FSTL5: variants seen among roughly 807,000 people sequenced by gnomAD.
The protein encoded by FSTL5 is follistatin like 5, also known as follistatin-related protein 5.
FSTL5 carries 62 observed loss-of-function variants against 89.1 expected under a neutral mutation model. That is an observed-to-expected ratio of 0.70 (90% CI 0.57 to 0.86). The LOEUF (loss-of-function observed/expected upper bound fraction) is 0.86. Ranked by LOEUF, FSTL5 falls within the 40% of genes least tolerant of loss-of-function variation. The pLI is 0.00. For synonymous variants in FSTL5, 383 were observed against 346.2 expected, an observed-to-expected ratio of 1.11 and a Z score of -1.18; for missense variants, 1,057 against 1,001.6, an observed-to-expected ratio of 1.06 and a Z score of -0.75.
chr4:161,396,362 C>A (rs1299457731), intron 15 of FSTL5, among the ~76,000 whole-genome samples: 1 of 151,868 alleles, frequency 6.6e-6, no homozygotes, highest in African/African-American at 2.4e-5. Flanking sequence ...TAAGACACAG[C>A]TGGGTACAGT....
At chr4:162,095,571 G>A (rs1492449) in intron 2 of FSTL5, among the ~76,000 whole-genome samples, 115,983 of 151,874 alleles carry the variant, frequency 0.76, 45,121 homozygotes, top group Non-Finnish European at 0.84. Context: ...CTTGAGGAAC[G>A]GTTTTTCAAA....
At chr4:161,557,128 C>G (rs2126565454) in intron 8 of FSTL5, among the ~76,000 whole-genome samples, 1 of 151,254 alleles carries the variant, frequency 6.6e-6, no homozygotes, top group Non-Finnish European at 1.5e-5. Flanking sequence ...AGCAATAGTA[C>G]CCTTGTTTGA....
chr4:161,753,102 C>A (rs1740456062), intron 6 of FSTL5, among the ~76,000 whole-genome samples: 1 of 152,180 alleles, frequency 6.6e-6, no homozygotes, highest in Admixed American at 6.5e-5. Flanking sequence ...TTCTTTCTCT[C>A]TTTACTTGCT....
intron 1 of FSTL5, among the ~76,000 whole-genome samples, chr4:162,113,377 G>A (rs1040883198): frequency 6.6e-6 from 1 of 151,894 alleles, no homozygotes; most frequent in Non-Finnish European, 1.5e-5. Flanking sequence ...CCAAATTGAC[G>A]GTCCCCACTC....
rs536851708 is a variant in FSTL5 at position 161,835,323 on chromosome 4, A to C, written c.410-59249T>G. Among the ~76,000 whole-genome samples the C allele has an allele frequency of 4.4e-3, 669 of 152,294 alleles. 5 individuals are homozygous for C. The highest frequency in any genetic ancestry group is 6.3e-3 in the Non-Finnish European group (427 of 68,030). On this transcript the variant is annotated intron_variant, in intron 4 of 15. Coordinates refer to ENST00000306100, the MANE Select transcript of FSTL5 (RefSeq NM_020116.5). The stretch of plus-strand genomic sequence containing the variant: ...TAATTCAAGATGGATTAAAGACTTA[A>C]ACATTAGACCTAAAACCATAAAAAC...
intron 10 of FSTL5, among the ~76,000 whole-genome samples, chr4:161,521,451 G>A (rs1731017212): frequency 6.6e-6 from 1 of 151,890 alleles, no homozygotes; most frequent in African/African-American, 2.4e-5. Flanking sequence ...TTCTTTATAT[G>A]TTTAAGTGCC....
chr4:162,036,809 A>C (rs2111208057), intron 2 of FSTL5, among the ~76,000 whole-genome samples: 1 of 152,098 alleles, frequency 6.6e-6, no homozygotes, highest in Admixed American at 6.6e-5. Context: ...ATATTGACAT[A>C]GATAGAATCA....
At chr4:162,153,094 A>T (rs1332683542) in intron 1 of FSTL5, among the ~76,000 whole-genome samples, 1 of 152,174 alleles carries the variant, frequency 6.6e-6, no homozygotes, top group African/African-American at 2.4e-5. Flanking sequence ...CTTGATAATC[A>T]TAAACTTCTA....
rs772990918 is a variant in FSTL5, at chr4:161,500,120, T to C, written c.1354A>G (p.Asn452Asp). 6.3e-7 allele frequency: 1 copy of C among 1,584,320 alleles called. No individual in the cohort carries two copies. The highest frequency in any genetic ancestry group is 1.1e-5 in the South Asian group (1 of 88,942). The stretch of plus-strand genomic sequence containing the variant: ...TCTTCATAAAAAACATAGAACATGT[T>C]CCCAATTCCCAGACCTTAGGAATAA... ...LWREEGLGIG[N>D]MFYVFYEDGI... Residue 452 changes from asparagine to aspartate, a missense_variant, in exon 12 of 16, where the codon AAC becomes GAC. By Grantham distance (23) the Asn-to-Asp change is conservative. Transcript: ENST00000306100.
intron 1 of FSTL5, among the ~76,000 whole-genome samples, chr4:162,120,597 T>C (rs1241295307): frequency 6.6e-6 from 1 of 152,072 alleles, no homozygotes; most frequent in Non-Finnish European, 1.5e-5. Flanking sequence ...TGATTTTTAT[T>C]ATTCTTTACA....
intron 8 of FSTL5, among the ~76,000 whole-genome samples, chr4:161,553,979 T>C (rs1033666044): frequency 3.3e-5 from 5 of 151,540 alleles, no homozygotes; most frequent in African/African-American, 4.8e-5. Flanking sequence ...CAAATGTAAA[T>C]AATCAGATAC....
chr4:161,807,759 T>A (rs1003840157), intron 4 of FSTL5, among the ~76,000 whole-genome samples: 3 of 152,192 alleles, frequency 2.0e-5, no homozygotes, highest in Admixed American at 6.5e-5. Flanking sequence ...TGTATATTAA[T>A]TTGCTTGCAA....
At chr4:161,621,827 CAAAAAAAA>C (rs58143952) in intron 7 of FSTL5, among the ~76,000 whole-genome samples, 51 of 90,398 alleles carry the variant, frequency 5.6e-4, no homozygotes, top group South Asian at 6.5e-4. Flanking sequence ...TCTAAAAATA[CAAAAAAAA>C]AAAAAAAAAA....
chr4:161,923,451 C>G (rs1239778175), intron 3 of FSTL5, among the ~76,000 whole-genome samples: 1 of 151,702 alleles, frequency 6.6e-6, no homozygotes, highest in African/African-American at 2.4e-5. Flanking sequence ...TTTAATTAAG[C>G]AAATTGTTAA....
At chr4:161,754,632 G>C (rs970424372) in intron 6 of FSTL5, among the ~76,000 whole-genome samples, 8 of 151,974 alleles carry the variant, frequency 5.3e-5, no homozygotes, top group Admixed American at 2.6e-4. Flanking sequence ...ACCATTCTTG[G>C]TTATCTAGAA....
chr4:161,541,640 T>A (rs1024124244), intron 9 of FSTL5, among the ~76,000 whole-genome samples: 3 of 152,020 alleles, frequency 2.0e-5, no homozygotes, highest in South Asian at 2.1e-4. Flanking sequence ...TTTAAAAATG[T>A]ATAATGATTA....
intron 12 of FSTL5, among the ~76,000 whole-genome samples, chr4:161,498,894 C>G (rs1374037184): frequency 6.6e-6 from 1 of 151,876 alleles, no homozygotes; most frequent in Non-Finnish European, 1.5e-5. Flanking sequence ...ATAATGATAA[C>G]GTTTAAGATT....
intron 10 of FSTL5, among the ~76,000 whole-genome samples, chr4:161,511,697 C>G: frequency 6.6e-6 from 1 of 151,804 alleles, no homozygotes; most frequent in South Asian, 2.1e-4. Flanking sequence ...GATAAAAAGA[C>G]AAATCTTATT....
intron 4 of FSTL5, among the ~76,000 whole-genome samples, chr4:161,784,455 A>G (rs980822918): frequency 5.3e-5 from 8 of 152,292 alleles, no homozygotes; most frequent in South Asian, 2.1e-4. Flanking sequence ...TGCATCAAAT[A>G]TAGTCAAAAG....
Sources: gnomAD v4.1 joint callset for allele counts (sites outside exome capture counted in the v4.1 genomes callset) on GRCh38, gnomAD v4.1.1 for gene constraint, MANE v1.5 for transcripts, NCBI Gene and HGNC (gene_info 2026-07-23, HGNC 2026-07-21) for gene names.